ARHGAP18: variants seen among roughly 807,000 people sequenced by gnomAD.
ARHGAP18 encodes the protein rho GTPase-activating protein 18.
A neutral mutation model predicts 86.2 loss-of-function variants in ARHGAP18; 67 were observed. That is an observed-to-expected ratio of 0.78 (90% confidence interval 0.64 to 0.95). ARHGAP18 has a LOEUF of 0.95. Ranked by LOEUF, ARHGAP18 falls within the 40% of genes least tolerant of loss-of-function variation. ARHGAP18 has a pLI of 0.00. For synonymous variants in ARHGAP18, 283 were observed against 280.4 expected (o/e 1.01, Z -0.09); for missense variants, 691 against 780.4 (o/e 0.89, Z 1.37).
intron 1 of ARHGAP18, among the ~76,000 whole-genome samples, chr6:129,684,626 T>C (rs887756888): frequency 6.6e-6 from 1 of 152,228 alleles, no homozygotes; most frequent in Non-Finnish European, 1.5e-5. Flanking sequence ...TTAGGTGTCA[T>C]GGAGCCTGCG....
chr6:129,676,915 CTTTTTTTTTTTTTTTTTTTT>C (rs10688716), intron 1 of ARHGAP18, among the ~76,000 whole-genome samples: 2,147 of 38,164 alleles, frequency 0.056, 124 homozygotes, highest in African/African-American at 0.14. Context: ...TTTTTGTCCT[CTTTTTTTTTTTTTTTTTTTT>C]TTTTTTTTTT....
intron 8 of ARHGAP18, among the ~76,000 whole-genome samples, chr6:129,609,483 G>A (rs1453360949): frequency 6.6e-6 from 1 of 152,120 alleles, no homozygotes; most frequent in African/African-American, 2.4e-5. Flanking sequence ...CTGTGAGCTG[G>A]CCATTGCAGT....
At chr6:129,671,908 C>T (rs951872118) in intron 1 of ARHGAP18, among the ~76,000 whole-genome samples, 1 of 152,112 alleles carries the variant, frequency 6.6e-6, no homozygotes, top group Non-Finnish European at 1.5e-5. Flanking sequence ...AACACCCCCA[C>T]AAATTCTCAA....
intron 9 of ARHGAP18, among the ~76,000 whole-genome samples, chr6:129,606,818 T>C (rs1415670445): frequency 6.6e-6 from 1 of 152,012 alleles, no homozygotes; most frequent in Non-Finnish European, 1.5e-5. Flanking sequence ...GTGTTAAGAA[T>C]AGCCTGGTAC....
At chr6:129,664,090 G>C (rs1314056851) in intron 1 of ARHGAP18, among the ~76,000 whole-genome samples, 1 of 152,178 alleles carries the variant, frequency 6.6e-6, no homozygotes, top group Non-Finnish European at 1.5e-5. Context: ...GCTATCTATG[G>C]GTCCCTGTGG....
intron 1 of ARHGAP18, among the ~76,000 whole-genome samples, chr6:129,701,395 A>G (rs1460843966): frequency 6.6e-6 from 1 of 152,228 alleles, no homozygotes; most frequent in Non-Finnish European, 1.5e-5. Context: ...AAGATCCAGA[A>G]CAAGCCAGAT....
intron 13 of ARHGAP18, 144 bp from the exon 14 acceptor site, chr6:129,580,275 A>G (rs1699899800): frequency 3.1e-6 from 2 of 653,758 alleles, no homozygotes; most frequent in African/African-American, 3.6e-5. Context: ...GTATTTTCCC[A>G]TCTGTTAAAT....
chr6:129,621,282 GA>G (rs1266676947), intron 5 of ARHGAP18, among the ~76,000 whole-genome samples: 4 of 152,158 alleles, frequency 2.6e-5, no homozygotes, highest in African/African-American at 4.8e-5. Flanking sequence ...TAGTAAGTGA[GA>G]AACTAATTCC....
intron 8 of ARHGAP18, 29 bp from the exon 9 acceptor site, chr6:129,608,081 AAAAAAG>A: frequency 6.5e-7 from 1 of 1,545,262 alleles, no homozygotes; most frequent in Admixed American, 2.2e-5. Context: ...AAAAAAAAAA[AAAAAAG>A]AAGCAGCTAG....
intron 5 of ARHGAP18, among the ~76,000 whole-genome samples, chr6:129,625,734 ATTATATATTT>A: frequency 2.9e-4 from 7 of 24,418 alleles, no homozygotes; most frequent in African/African-American, 1.1e-3. Context: ...ATATATATTT[ATTATATATTT>A]ATATATTATA....
chr6:129,687,758 G>T (rs12207835), intron 1 of ARHGAP18, among the ~76,000 whole-genome samples: 29,044 of 151,656 alleles, frequency 0.19, 3,123 homozygotes, highest in South Asian at 0.32. Context: ...AACTGTCTCA[G>T]ATAGCATAAG....
intron 12 of ARHGAP18, among the ~76,000 whole-genome samples, chr6:129,593,098 C>A (rs1178849755): frequency 6.6e-6 from 1 of 152,074 alleles, no homozygotes; most frequent in Non-Finnish European, 1.5e-5. Context: ...CAAGTCCTGC[C>A]CTGGGAGAGT....
intron 8 of ARHGAP18, among the ~76,000 whole-genome samples, chr6:129,610,557 G>A (rs1386900804): frequency 3.3e-5 from 5 of 152,202 alleles, no homozygotes; most frequent in Middle Eastern, 3.2e-3. Flanking sequence ...TCGTCTGGCC[G>A]GCTCACTAAG....
chr6:129,641,401 A>C (rs1035380526), intron 2 of ARHGAP18, among the ~76,000 whole-genome samples: 3 of 152,358 alleles, frequency 2.0e-5, no homozygotes, highest in East Asian at 1.9e-4. Flanking sequence ...AACAAAGATC[A>C]AAAGAACTCA....
At chr6:129,624,481 G>T (rs916196294) in intron 5 of ARHGAP18, among the ~76,000 whole-genome samples, 2 of 152,080 alleles carry the variant, frequency 1.3e-5, no homozygotes, top group Non-Finnish European at 2.9e-5. Context: ...AGTGAGCCAA[G>T]ATGGTGCCTG....
At chr6:129,701,971 T>C (rs1370441714) in intron 1 of ARHGAP18, among the ~76,000 whole-genome samples, 1 of 152,050 alleles carries the variant, frequency 6.6e-6, no homozygotes. Context: ...ATGCCATGAG[T>C]GTCCCCATAT....
At position 129,613,372 on chromosome 6, in the gene ARHGAP18, A is replaced by G. The variant is rs1213945995; in HGVS notation, c.1045-1762T>C. ...GATCAGATGGGCGTTATTCAAAATA[A>G]AGCATTTAAAACCTAATGTAACCAA... On this transcript the variant is annotated intron_variant, in intron 7 of 14. Transcript: ENST00000368149. 2.6e-5 allele frequency among the ~76,000 whole-genome samples: 4 copies of G among 152,232 alleles called. No individual in the cohort carries two copies. In the East Asian group the frequency reaches 7.7e-4, roughly 29 times the overall value.
In ARHGAP18 at chr6:129,611,597, A is replaced by G. The variant is rs1334823457; in HGVS notation, c.1058T>C (p.Ile353Thr). 1.2e-6 allele frequency: 2 copies of G among 1,613,606 alleles called. No individual in the cohort carries two copies. Among genetic ancestry groups the G allele is most frequent in the Non-Finnish European group, 1.7e-6 (2 of 1,179,674 alleles). ...TTCTGTTTCCAAACCTCTCTCTTCA[A>G]TTCGAGAAATCAGCTGTGCATAAAC... Reference protein sequence around the residue: ...PLIFQKLISRIEERGLETEGL... With the variant: ...PLIFQKLISRTEERGLETEGL... The change falls in exon 8 of 15, where the codon ATT becomes ACT. Residue 353 changes from isoleucine (I) to threonine (T), a missense_variant. Physicochemically the swap from Ile to Thr is moderately conservative, Grantham distance 89. Coordinates refer to ENST00000368149, the MANE Select transcript of ARHGAP18 (RefSeq NM_033515.3).
At position 129,600,604 on chromosome 6, in the gene ARHGAP18, T is replaced by G. The variant is rs1230319989; in HGVS notation, c.1572+38A>C. The G allele has an allele frequency of 2.6e-6, 4 of 1,524,140 alleles. No homozygotes were observed. In the African/African-American group the frequency reaches 4.2e-5, roughly 16 times the overall value. 94.4% of individuals were successfully genotyped at this position (1,524,140 alleles called of 1,614,324 possible). ...TAATAACAAACATGCAATTTGTTTT[T>G]TAAACTACTAAGACCAAAGCATATG... On this transcript the variant is annotated intron_variant, in intron 11 of 14. Coordinates refer to ENST00000368149, the MANE Select transcript of ARHGAP18 (RefSeq NM_033515.3).
Sources: gnomAD v4.1 joint callset for allele counts (sites outside exome capture counted in the v4.1 genomes callset) on GRCh38, gnomAD v4.1.1 for gene constraint, MANE v1.5 for transcripts, NCBI Gene and HGNC (gene_info 2026-07-23, HGNC 2026-07-21) for gene names.